Variants in GRIN2B observed in about 807,000 individuals in gnomAD.
GRIN2B encodes glutamate ionotropic receptor NMDA type subunit 2B.
In GRIN2B, 5 loss-of-function variants were observed where a neutral mutation model predicts 114.5. That is an observed-to-expected ratio of 0.04 (90% CI 0.02 to 0.09). The LOEUF is 0.09. GRIN2B is among the 10% of genes least tolerant of loss of function. GRIN2B has a pLI of 1.00. For missense variants in GRIN2B, 1,108 were observed against 1,943.5 expected (o/e 0.57, Z 8.08); for synonymous variants, 787 against 745.1 (o/e 1.06, Z -0.92).
Position 13,561,921 on chromosome 12 carries a change from A to G in GRIN2B, c.*862T>C, listed in dbSNP as rs886049095. On this transcript the variant is annotated 3_prime_UTR_variant, in exon 14 of 14. Transcript: ENST00000609686. ...GCCAAAATTCAGGTAATACATGGCCATCTCTGTCTGTATATAAGCCAAACA... is the reference window on the plus strand; with the variant it reads ...GCCAAAATTCAGGTAATACATGGCCGTCTCTGTCTGTATATAAGCCAAACA... 1 of 152,684 alleles carries G rather than the reference A, an allele frequency of 6.5e-6. No individual in the cohort carries two copies. Among genetic ancestry groups the G allele is most frequent in the Non-Finnish European group, 1.5e-5 (1 of 68,046 alleles). The allele number at this position is 152,684 out of a possible 1,614,324, so 9.5% of individuals were successfully genotyped here.
At chr12:13,704,640 T>C (rs144959312) in intron 4 of GRIN2B, among the ~76,000 whole-genome samples, 1 of 152,210 alleles carries the variant, frequency 6.6e-6, no homozygotes, top group African/African-American at 2.4e-5. Flanking sequence ...ACTCCTTCCT[T>C]GCCAGTTAGA....
intron 3 of GRIN2B, among the ~76,000 whole-genome samples, chr12:13,772,779 T>C (rs1863929648): frequency 6.6e-6 from 1 of 152,188 alleles, no homozygotes; most frequent in African/African-American, 2.4e-5. Context: ...AAGAGGTTTT[T>C]TTTTCTTTTA....
chr12:13,881,045 CATGCACAT>C (rs1395109236), intron 2 of GRIN2B, among the ~76,000 whole-genome samples: 1 of 152,140 alleles, frequency 6.6e-6, no homozygotes. Flanking sequence ...CGCAGGTGTG[CATGCACAT>C]GTGCACACGA....
chr12:13,740,262 C>T (rs1863257463), intron 4 of GRIN2B, among the ~76,000 whole-genome samples: 1 of 152,136 alleles, frequency 6.6e-6, no homozygotes, highest in Non-Finnish European at 1.5e-5. Flanking sequence ...TAAGTCTAAA[C>T]AGCAAACTAA....
chr12:13,889,537 C>T (rs1219412362), intron 2 of GRIN2B, among the ~76,000 whole-genome samples: 2 of 152,148 alleles, frequency 1.3e-5, no homozygotes, highest in South Asian at 2.1e-4. Context: ...GCAAGGTATG[C>T]ATGTATTAAA....
intron 2 of GRIN2B, among the ~76,000 whole-genome samples, chr12:13,954,816 A>AAAAAAAAAC (rs1565599350): frequency 1.4e-5 from 2 of 146,602 alleles, no homozygotes; most frequent in East Asian, 3.9e-4. Context: ...CTCAGGAAAA[A>AAAAAAAAAC]AAAAAAAAAA....
At chr12:13,695,310 T>C (rs1591681313) in intron 4 of GRIN2B, among the ~76,000 whole-genome samples, 1 of 152,152 alleles carries the variant, frequency 6.6e-6, no homozygotes, top group East Asian at 1.9e-4. Flanking sequence ...ATCTCTCAGG[T>C]GTATGACCTA....
At chr12:13,812,628 T>C (rs1469954739) in intron 3 of GRIN2B, among the ~76,000 whole-genome samples, 1 of 152,186 alleles carries the variant, frequency 6.6e-6, no homozygotes, top group Non-Finnish European at 1.5e-5. Context: ...AGAATTCTGT[T>C]TTTTTAATCT....
At chr12:13,666,828 G>A (rs757980912) in intron 5 of GRIN2B, among the ~76,000 whole-genome samples, 2 of 152,142 alleles carry the variant, frequency 1.3e-5, no homozygotes, top group Non-Finnish European at 2.9e-5. Flanking sequence ...AGGCATGTTT[G>A]CATATGAAGG....
At chr12:13,635,482 A>G (rs1258844644) in intron 5 of GRIN2B, among the ~76,000 whole-genome samples, 1 of 152,122 alleles carries the variant, frequency 6.6e-6, no homozygotes, top group East Asian at 1.9e-4. Context: ...AATGCCACAC[A>G]CATCTGGACT....
chr12:13,654,579 G>T (rs766316616), intron 5 of GRIN2B, among the ~76,000 whole-genome samples: 26 of 152,116 alleles, frequency 1.7e-4, no homozygotes, highest in Non-Finnish European at 3.2e-4. Context: ...CCCCCAAACT[G>T]CTGGCTGCCA....
rs937655097 is a variant in GRIN2B at position 13,558,308 on chromosome 12, T to C, written c.*4475A>G. ...GCACACATCTGAATCATTCCTAACA[T>C]ACAAAAACAGACATTCACAGGGTGT... On this transcript the variant is annotated 3_prime_UTR_variant, in exon 14 of 14. Transcript: ENST00000609686. 6 of 152,036 alleles carry C rather than the reference T, an allele frequency of 3.9e-5. No individual in the cohort carries two copies. Among genetic ancestry groups the C allele is most frequent in the Non-Finnish European group, 8.8e-5 (6 of 68,010 alleles). 9.4% of individuals were successfully genotyped at this position (152,036 alleles called of 1,614,324 possible).
chr12:13,854,429 A>T (rs1013171665), intron 3 of GRIN2B, among the ~76,000 whole-genome samples: 1 of 152,034 alleles, frequency 6.6e-6, no homozygotes, highest in Admixed American at 6.6e-5. Flanking sequence ...AGAATCATTC[A>T]AACCCAGGAG....
intron 3 of GRIN2B, among the ~76,000 whole-genome samples, chr12:13,762,258 C>T (rs779470760): frequency 3.3e-5 from 5 of 152,288 alleles, no homozygotes; most frequent in African/African-American, 4.8e-5. Context: ...CCACCTCGGC[C>T]TCCCAAAGTG....
At chr12:13,607,568 A>C (rs1949300019) in intron 10 of GRIN2B, among the ~76,000 whole-genome samples, 1 of 143,490 alleles carries the variant, frequency 7.0e-6, no homozygotes, top group Non-Finnish European at 1.5e-5. Context: ...AAAAATGAGA[A>C]TCTGAGCCCC....
chr12:13,624,593 C>G (rs1196492391), intron 5 of GRIN2B, among the ~76,000 whole-genome samples: 2 of 152,202 alleles, frequency 1.3e-5, no homozygotes, highest in Admixed American at 1.3e-4. Context: ...GAAATAATTT[C>G]CATATTTAAA....
intron 4 of GRIN2B, among the ~76,000 whole-genome samples, chr12:13,752,247 C>T (rs1863495536): frequency 6.6e-6 from 1 of 152,084 alleles, no homozygotes; most frequent in Non-Finnish European, 1.5e-5. Context: ...TTCTGAATAC[C>T]TTTCTGTACA....
At chr12:13,669,716 G>A (rs1950006157) in intron 5 of GRIN2B, among the ~76,000 whole-genome samples, 2 of 152,286 alleles carry the variant, frequency 1.3e-5, no homozygotes, top group African/African-American at 4.8e-5. Flanking sequence ...ACACAGATGT[G>A]CCAGTTTCTT....
intron 3 of GRIN2B, among the ~76,000 whole-genome samples, chr12:13,809,942 CCA>C (rs2136682741): frequency 6.6e-6 from 1 of 152,256 alleles, no homozygotes; most frequent in East Asian, 1.9e-4. Flanking sequence ...GCCTCTCTCC[CCA>C]GTCTTTCTGC....
Sources: allele counts gnomAD v4.1 joint callset (sites outside exome capture counted in the v4.1 genomes callset), GRCh38; gene constraint gnomAD v4.1.1; transcripts MANE v1.5; gene names NCBI Gene and HGNC (gene_info 2026-07-23, HGNC 2026-07-21).